Variants in JMY observed in about 807,000 individuals in gnomAD.
The protein encoded by JMY is junction-mediating and -regulatory protein.
A neutral mutation model predicts 103.3 loss-of-function variants in JMY; 46 were observed. The observed-to-expected ratio is 0.45, with a 90% CI of 0.35 to 0.57. The LOEUF is 0.57. JMY is among the 20% of genes least tolerant of loss of function. The pLI is 0.00. For synonymous variants in JMY, 526 were observed against 489.3 expected (o/e 1.07, Z -0.99); for missense variants, 1,238 against 1,255.2 (o/e 0.99, Z 0.21).
chr5:79,243,508 C>T (rs1339542590), intron 1 of JMY, among the ~76,000 whole-genome samples: 1 of 152,096 alleles, frequency 6.6e-6, no homozygotes, highest in African/African-American at 2.4e-5. Flanking sequence ...ACTGCATTGA[C>T]TGGAAGTATT....
rs199879072 is a variant in JMY at position 79,258,305 on chromosome 5, G to GTTTTTTTTTTTTTTTTTTTTTTTTTTT, written c.1033-19600_1033-19599insTTTTTTTTTTTTTTTTTTTTTTTTTTT. 2.6e-5 allele frequency among the ~76,000 whole-genome samples: 3 copies of GTTTTTTTTTTTTTTTTTTTTTTTTTTT among 117,026 alleles called. 1 individual carries two copies. Among genetic ancestry groups the GTTTTTTTTTTTTTTTTTTTTTTTTTTT allele is most frequent in the African/African-American group, 3.0e-5 (1 of 33,890 alleles). The allele number at this position is 117,026 out of a possible 152,430, so 76.8% of individuals were successfully genotyped here. The stretch of plus-strand genomic sequence containing the variant: ...AAATTCAGATATTAGGGCTTTTTTT[G>GTTTTTTTTTTTTTTTTTTTTTTTTTTT]TTTTTGTTGTTTTTTTTTTTTTTTT... On this transcript the variant is annotated intron_variant, in intron 1 of 10. Transcript: ENST00000396137.
chr5:79,304,384 C>T (rs1382637790), intron 6 of JMY, among the ~76,000 whole-genome samples: 1 of 152,166 alleles, frequency 6.6e-6, no homozygotes, highest in African/African-American at 2.4e-5. Context: ...AGGTCACTGG[C>T]TTCTTGGTTT....
chr5:79,280,998 G>A lies in JMY; in HGVS notation c.1206+2915G>A, dbSNP rs919206046. The stretch of plus-strand genomic sequence containing the variant: ...TAGTTGTTTTAAGTATTACTAAGAT[G>A]TATTAGTAATAGAAAAAAAGAAAAT... On this transcript the variant is annotated intron_variant, in intron 2 of 10. Coordinates refer to ENST00000396137, the MANE Select transcript of JMY (RefSeq NM_152405.5). 9.3e-5 allele frequency among the ~76,000 whole-genome samples: 14 copies of A among 150,124 alleles called. No individual in the cohort carries two copies. In the East Asian group the frequency reaches 2.7e-3, roughly 29 times the overall value.
chr5:79,279,522 TTGAG>T (rs1746046961), intron 2 of JMY, among the ~76,000 whole-genome samples: 2 of 152,176 alleles, frequency 1.3e-5, no homozygotes, highest in East Asian at 3.9e-4. Flanking sequence ...TTATGTAAGA[TTGAG>T]TATTTGAGAA....
chr5:79,314,264 C>G lies in JMY; in HGVS notation c.2072C>G (p.Pro691Arg), dbSNP rs1362931957. The part of the protein sequence containing the change: ...DRLRTFKQRY[P>R]GQVILKSTRL... ...TAACTTCTGGTATTTTAGAGGTATC[C>G]TGGGCAAGTCATACTTAAATCAACC... Residue 691 changes from proline to arginine, a missense_variant, in exon 9 of 11, where the codon CCT becomes CGT. Pro to Arg is a moderately radical substitution (Grantham distance 103). Transcript: ENST00000396137. 1 of 1,607,884 alleles carries G rather than the reference C, an allele frequency of 6.2e-7. No individual in the cohort carries two copies. The highest frequency in any genetic ancestry group is 1.7e-5 in the Admixed American group (1 of 59,052).
At chr5:79,248,109 T>G (rs1580327908) in intron 1 of JMY, among the ~76,000 whole-genome samples, 1 of 151,980 alleles carries the variant, frequency 6.6e-6, no homozygotes, top group South Asian at 2.1e-4. Flanking sequence ...GCCTGGCTGG[T>G]CTCAAACTCC....
intron 10 of JMY, among the ~76,000 whole-genome samples, chr5:79,318,522 T>C (rs1747315915): frequency 6.6e-6 from 1 of 152,180 alleles, no homozygotes; most frequent in Non-Finnish European, 1.5e-5. Flanking sequence ...ATTCCTGTAG[T>C]ACCTCTCCAC....
In JMY at chr5:79,288,714, TTG is replaced by T. The variant is rs547755125; in HGVS notation, c.1207-1405_1207-1404del. Reference sequence around the variant, plus strand: ...GTATTCTAATTCTTTTTGTTTTGTTTTGTTTTTTTTTGTTTGTTTGTTTGTTT... The same window carrying T: ...GTATTCTAATTCTTTTTGTTTTGTTTTTTTTTTTTGTTTGTTTGTTTGTTT... On this transcript the variant is annotated intron_variant, in intron 2 of 10. Transcript: ENST00000396137. 4.3e-3 allele frequency among the ~76,000 whole-genome samples: 649 copies of T among 151,654 alleles called. 4 individuals are homozygous for T. Among genetic ancestry groups the T allele is most frequent in the African/African-American group, 0.015 (622 of 41,136 alleles).
chr5:79,262,966 C>T (rs1745469176), intron 1 of JMY, among the ~76,000 whole-genome samples: 1 of 152,132 alleles, frequency 6.6e-6, no homozygotes, highest in Non-Finnish European at 1.5e-5. Flanking sequence ...AGTATCTAAA[C>T]TTTGTATTAC....
chr5:79,297,219 G>A (rs1202940502), intron 4 of JMY, among the ~76,000 whole-genome samples: 1 of 152,168 alleles, frequency 6.6e-6, no homozygotes, highest in African/African-American at 2.4e-5. Flanking sequence ...CTTGAAGTAT[G>A]TTTAGGAGAG....
chr5:79,299,291 C>G (rs1209750246), intron 4 of JMY, among the ~76,000 whole-genome samples: 1 of 152,194 alleles, frequency 6.6e-6, no homozygotes, highest in Non-Finnish European at 1.5e-5. Flanking sequence ...GAGAACTATG[C>G]TTGTCCTTCA....
chr5:79,316,324 T>G lies in JMY; in HGVS notation c.*3+14T>G, dbSNP rs372395795. On this transcript the variant is annotated intron_variant, in intron 10 of 10. Transcript: ENST00000396137. ...GAGAACTAACAAGTAAACGGCCTTA[T>G]TGTCTTTAGTAGCATTCAGTAATAC... 16 of 1,577,308 alleles carry G rather than the reference T, an allele frequency of 1.0e-5. No individual in the cohort carries two copies. Among genetic ancestry groups the G allele is most frequent in the Admixed American group, 9.1e-5 (5 of 54,818 alleles).
intron 4 of JMY, among the ~76,000 whole-genome samples, chr5:79,297,170 G>A (rs1359560319): frequency 6.6e-6 from 1 of 152,132 alleles, no homozygotes; most frequent in Non-Finnish European, 1.5e-5. Context: ...GATCACATTG[G>A]GAGGTTACAA....
At chr5:79,243,361 C>A (rs1393838810) in intron 1 of JMY, among the ~76,000 whole-genome samples, 1 of 152,162 alleles carries the variant, frequency 6.6e-6, no homozygotes, top group African/African-American at 2.4e-5. Flanking sequence ...AGTCTTGGGA[C>A]GCCACCTGTC....
In JMY at chr5:79,277,960, G is replaced by A; in HGVS notation, c.1083G>A (p.Leu361=). The change falls in exon 2 of 11, where the codon TTG becomes TTA. Residue 361 remains leucine, a synonymous_variant. Transcript: ENST00000396137. ...NTESMVELLD[L]YQMEDEAYSS... ...AGAGCATGGTGGAGCTTCTGGACTT[G>A]TATCAGATGGAGGATGAAGCCTACA... 1 of 1,614,070 alleles carries A rather than the reference G, an allele frequency of 6.2e-7. No individual in the cohort carries two copies. The highest frequency in any genetic ancestry group is 8.5e-7 in the Non-Finnish European group (1 of 1,179,974).
intron 7 of JMY, among the ~76,000 whole-genome samples, chr5:79,309,989 C>A (rs1307837358): frequency 1.4e-5 from 2 of 144,970 alleles, no homozygotes. Context: ...AGTATCAGAT[C>A]TTTTTCCCAG....
intron 2 of JMY, among the ~76,000 whole-genome samples, chr5:79,280,482 T>C (rs1746073439): frequency 6.6e-6 from 1 of 152,242 alleles, no homozygotes. Flanking sequence ...AATTTGTGTC[T>C]TTTCTGACAG....
At chr5:79,314,010 C>T (rs896650336) in intron 8 of JMY, among the ~76,000 whole-genome samples, 3 of 152,184 alleles carry the variant, frequency 2.0e-5, no homozygotes, top group Admixed American at 6.5e-5. Context: ...AGGTGCCTGC[C>T]ACCACACCCA....
At chr5:79,270,259 A>G (rs1243156768) in intron 1 of JMY, among the ~76,000 whole-genome samples, 3 of 149,110 alleles carry the variant, frequency 2.0e-5, no homozygotes, top group Non-Finnish European at 4.4e-5. Context: ...ATATAAATGC[A>G]TATATAAAAA....
Sources: gnomAD v4.1 joint callset for allele counts (sites outside exome capture counted in the v4.1 genomes callset) on GRCh38, gnomAD v4.1.1 for gene constraint, MANE v1.5 for transcripts, NCBI Gene and HGNC (gene_info 2026-07-23, HGNC 2026-07-21) for gene names.